Variants in ATM observed in about 807,000 individuals in gnomAD.
ATM encodes the protein serine-protein kinase ATM.
A neutral mutation model predicts 387.0 loss-of-function variants in ATM; 308 were observed. That is an observed-to-expected ratio of 0.80 (90% CI 0.73 to 0.87). The LOEUF is 0.87. Ranked by LOEUF, ATM falls within the 40% of genes least tolerant of loss-of-function variation. The probability of loss-of-function intolerance (pLI) is 0.00; values close to 1 mark genes in which losing one functional copy is unlikely to be tolerated. For synonymous variants in ATM, 1,156 were observed against 1,187.3 expected, an observed-to-expected ratio of 0.97 and a Z score of 0.54; for missense variants, 3,312 against 3,560.9, an observed-to-expected ratio of 0.93 and a Z score of 1.78.
At chr11:108,292,991 C>A (rs910534501) in intron 30 of ATM, among the ~76,000 whole-genome samples, 198 bp downstream of exon 30, 3 of 152,108 alleles carry the variant, frequency 2.0e-5, no homozygotes, top group Non-Finnish European at 4.4e-5. Context: ...ATAGTTTTAT[C>A]TACTGTGCTG....
rs1359195708 is a variant in ATM, at chr11:108,345,747, T to C, written c.8423T>C (p.Val2808Ala). The C allele has an allele frequency of 5.0e-6, 8 of 1,607,784 alleles. No individual in the cohort carries two copies. In the South Asian group the frequency reaches 8.8e-5, roughly 18 times the overall value. Residue 2808 changes from valine (V) to alanine (A), a missense_variant, in exon 58 of 63, where the codon GTG becomes GCG. By Grantham distance (64) the Val-to-Ala change is moderately conservative (BLOSUM62 0). Around this residue, in one of 4 missense-constraint regions of ATM, gnomAD observed 1,405 missense variants for 1,604.4 expected, o/e 0.88. Coordinates refer to ENST00000675843, the MANE Select transcript of ATM (RefSeq NM_000051.4). ...ATATATATTCTCTATTTAAAGGAGG[T>C]GCAAAAAAAGTCTTTTGAAGAGAAA... Reference protein sequence around the residue: ...AFQCQKKMMEVQKKSFEEKYE... With the variant: ...AFQCQKKMMEAQKKSFEEKYE...
intron 26 of ATM, 184 bp from the exon 27 acceptor site, chr11:108,287,416 G>C: frequency 2.2e-6 from 1 of 459,716 alleles, no homozygotes; most frequent in Non-Finnish European, 3.8e-6. Context: ...TTAGTCTACA[G>C]GTTGGCTGCA....
chr11:108,358,614 A>C (rs2090331353), intron 61 of ATM, among the ~76,000 whole-genome samples: 1 of 135,104 alleles, frequency 7.4e-6, no homozygotes, highest in Non-Finnish European at 1.6e-5. Context: ...AAACCCTACA[A>C]GCCAGAAGAG....
chr11:108,232,589 G>A (rs1261321972), intron 4 of ATM, among the ~76,000 whole-genome samples: 4 of 135,056 alleles, frequency 3.0e-5, no homozygotes, highest in Non-Finnish European at 4.6e-5. Flanking sequence ...GCCTAAGCTG[G>A]AGTGCAGTGG....
chr11:108,350,367 A>G (rs186922703), intron 59 of ATM, among the ~76,000 whole-genome samples: 18 of 152,264 alleles, frequency 1.2e-4, no homozygotes, highest in African/African-American at 4.3e-4. Flanking sequence ...TAAACTAGAA[A>G]TCTCAGTCAA....
chr11:108,341,381 T>C (rs976607800), intron 56 of ATM, among the ~76,000 whole-genome samples: 7 of 152,134 alleles, frequency 4.6e-5, no homozygotes, highest in African/African-American at 1.4e-4. Flanking sequence ...TGTTCTCTTA[T>C]ACTTATTATC....
rs376186575 is a variant in ATM, at chr11:108,268,360, A to G, written c.2639-50A>G. On this transcript the variant is annotated intron_variant, in intron 17 of 62. Transcript: ENST00000675843. ...GAAATTTGAGTTAATATGACTATAT[A>G]TGGCTGTTGTGCCCTTCTCTTAGTG... 100 of 1,544,416 alleles carry G rather than the reference A, an allele frequency of 6.5e-5. 1 individual carries two copies. Among genetic ancestry groups the G allele is most frequent in the African/African-American group, 5.4e-4 (40 of 73,738 alleles).
chr11:108,308,006 C>T lies in ATM; in HGVS notation c.5762+22C>T. 8.2e-6 allele frequency: 13 copies of T among 1,583,044 alleles called. No homozygotes were observed. In the South Asian group the frequency reaches 1.3e-4, roughly 16 times the overall value. ...AGAGGTAATGTAATGAGTGTTGCTTCTTACGTTTAGGATCTAGAGTGTAAC... is the reference window on the plus strand; with the variant it reads ...AGAGGTAATGTAATGAGTGTTGCTTTTTACGTTTAGGATCTAGAGTGTAAC... On this transcript the variant is annotated intron_variant, in intron 38 of 62. Coordinates refer to ENST00000675843, the MANE Select transcript of ATM (RefSeq NM_000051.4).
rs984098340 is a variant in ATM, at chr11:108,334,530, A to C, written c.8011-439A>C. On this transcript the variant is annotated intron_variant, in intron 54 of 62. Transcript: ENST00000675843. ...AGTTTAGAAAATGATCATCTTAAAT[A>C]CATTGTCTTTCTTTTCATTTTGCAG... Among the ~76,000 whole-genome samples the C allele has an allele frequency of 3.3e-5, 5 of 152,164 alleles. No individual in the cohort carries two copies. The South Asian group carries it at 6.2e-4, about 19-fold the overall frequency.
At chr11:108,280,696 GAGTAA>G (rs2082184444) in intron 23 of ATM, among the ~76,000 whole-genome samples, 1 of 152,130 alleles carries the variant, frequency 6.6e-6, no homozygotes, top group South Asian at 2.1e-4. Context: ...GTTTGGTTCT[GAGTAA>G]AGTAAAAGAT....
At chr11:108,242,398 C>G (rs766141674) in intron 5 of ATM, among the ~76,000 whole-genome samples, 1 of 152,120 alleles carries the variant, frequency 6.6e-6, no homozygotes, top group Non-Finnish European at 1.5e-5. Context: ...AGGATGTGCA[C>G]TCTCACCACT....
rs1190456608 is a variant in ATM, at chr11:108,335,900, A to G, written c.8207A>G (p.Asn2736Ser). The G allele has an allele frequency of 1.2e-6, 2 of 1,613,982 alleles. No homozygotes were observed. The highest frequency in any genetic ancestry group is 1.7e-6 in the Non-Finnish European group (2 of 1,179,980). The change falls in exon 56 of 63, where the codon AAT becomes AGT. Residue 2736 changes from asparagine to serine, a missense_variant. Physicochemically the swap from Asn to Ser is conservative, Grantham distance 46. Around this residue, in one of 4 missense-constraint regions of ATM, gnomAD observed 1,405 missense variants for 1,604.4 expected, o/e 0.88. Transcript: ENST00000675843. ...AVMQQVFQMC[N>S]TLLQRNTETR... ...ATGCAACAGGTCTTCCAGATGTGTA[A>G]TACATTACTGCAGAGAAACACGGAA...
chr11:108,304,706 C>T lies in ATM; in HGVS notation c.5528C>T (p.Pro1843Leu), dbSNP rs764522350. 1 of 1,613,768 alleles carries T rather than the reference C, an allele frequency of 6.2e-7. No individual in the cohort carries two copies. Among genetic ancestry groups the T allele is most frequent in the Non-Finnish European group, 8.5e-7 (1 of 1,179,930 alleles). The change falls in exon 37 of 63, where the codon CCA becomes CTA. Residue 1843 changes from proline (P) to leucine (L), a missense_variant. This residue lies in a region of ATM where 1,405 missense variants were observed against 1,604.4 expected (regional missense o/e 0.88). Transcript: ENST00000675843. ...ACTGACTTTTGTCAGACTGTACTTC[C>T]ATACTTGATTCATGATATTTTACTC... ...VKTDFCQTVL[P>L]YLIHDILLQD...
chr11:108,230,841 A>G (rs1332918583), intron 4 of ATM: 4 of 152,328 alleles, frequency 2.6e-5, no homozygotes, highest in Admixed American at 6.5e-5. Flanking sequence ...AGCTGGGACT[A>G]TAGGCATGGG....
chr11:108,244,714 CACTTCATAA>C (rs2079745242), intron 6 of ATM, 65 bp from the exon 7 acceptor site: 4 of 1,140,468 alleles, frequency 3.5e-6, no homozygotes, highest in Admixed American at 3.5e-5. Flanking sequence ...TTCAGCATAC[CACTTCATAA>C]CTGTTCAGTT....
intron 38 of ATM, among the ~76,000 whole-genome samples, chr11:108,309,882 T>A (rs140895696): frequency 1.3e-5 from 2 of 152,312 alleles, no homozygotes; most frequent in African/African-American, 2.4e-5. Flanking sequence ...AGAGAGCAGA[T>A]ATGAACCCCA....
chr11:108,288,046 T>C (rs1000709457), intron 27 of ATM, among the ~76,000 whole-genome samples: 2 of 152,120 alleles, frequency 1.3e-5, no homozygotes, highest in African/African-American at 4.8e-5. Context: ...CTTCTCTTTA[T>C]CTAGGTCTTG....
chr11:108,355,579 T>G (rs1017691989), intron 61 of ATM: 13 of 152,674 alleles, frequency 8.5e-5, no homozygotes, highest in African/African-American at 2.7e-4. Flanking sequence ...GCATGGCAGG[T>G]AGAGTGCAGT....
At chr11:108,359,769 C>T (rs1309702264) in intron 61 of ATM, among the ~76,000 whole-genome samples, 1 of 151,952 alleles carries the variant, frequency 6.6e-6, no homozygotes, top group African/African-American at 2.4e-5. Context: ...ACACAACGTA[C>T]CAGAATCTCT....
Sources: allele counts gnomAD v4.1 joint callset (sites outside exome capture counted in the v4.1 genomes callset), GRCh38; gene constraint gnomAD v4.1.1; regional missense constraint gnomAD v4.1.1; transcripts MANE v1.5; gene names NCBI Gene and HGNC (gene_info 2026-07-23, HGNC 2026-07-21).